PPP2R3A: variants seen among roughly 807,000 people sequenced by gnomAD.
PPP2R3A encodes the protein protein phosphatase 2 regulatory subunit B''alpha, also known as serine/threonine-protein phosphatase 2A regulatory subunit B'' subunit alpha.
A neutral mutation model predicts 106.9 loss-of-function variants in PPP2R3A; 80 were observed. That is an observed-to-expected ratio of 0.75 (90% CI 0.62 to 0.90). The LOEUF is 0.90. Among genes scored for constraint, PPP2R3A ranks in the 40% least tolerant of loss-of-function variants. The probability of loss-of-function intolerance (pLI) is 0.00; values close to 1 mark genes in which losing one functional copy is unlikely to be tolerated. For synonymous variants in PPP2R3A, 483 were observed against 468.3 expected, an observed-to-expected ratio of 1.03 and a Z score of -0.41; for missense variants, 1,386 against 1,350.4, an observed-to-expected ratio of 1.03 and a Z score of -0.41.
chr3:136,062,717 C>CA (rs34662666), intron 5 of PPP2R3A, among the ~76,000 whole-genome samples: 347 of 114,446 alleles, frequency 3.0e-3, no homozygotes, highest in East Asian at 0.017. Context: ...GACTCCATCT[C>CA]AAAAAAAAAA....
intron 13 of PPP2R3A, among the ~76,000 whole-genome samples, chr3:136,138,443 G>A (rs1938709234): frequency 6.6e-6 from 1 of 152,140 alleles, no homozygotes; most frequent in Non-Finnish European, 1.5e-5. Flanking sequence ...AAACTGAAGT[G>A]AAATCTACTT....
intron 5 of PPP2R3A, among the ~76,000 whole-genome samples, chr3:136,063,913 C>T (rs1365997948): frequency 2.7e-5 from 4 of 150,192 alleles, no homozygotes; most frequent in African/African-American, 1.0e-4. Context: ...CATCCCATTA[C>T]TGGGTATATA....
At chr3:136,029,486 A>G (rs1189698751) in intron 3 of PPP2R3A, among the ~76,000 whole-genome samples, 2 of 152,158 alleles carry the variant, frequency 1.3e-5, no homozygotes, top group Admixed American at 6.5e-5. Flanking sequence ...ACAGTGCTCA[A>G]GGGAGGTGTC....
At chr3:136,083,453 G>A (rs769306510) in intron 8 of PPP2R3A, among the ~76,000 whole-genome samples, 5 of 152,052 alleles carry the variant, frequency 3.3e-5, no homozygotes, top group South Asian at 2.1e-4. Flanking sequence ...TTTGCCTTCC[G>A]CCATGATTGT....
At position 136,003,000 on chromosome 3, in the gene PPP2R3A, C is replaced by A; in HGVS notation, c.1502C>A (p.Thr501Lys). The A allele has an allele frequency of 6.2e-7, 1 of 1,613,660 alleles. No homozygotes were observed. The change falls in exon 2 of 14, where the codon ACA becomes AAA. Residue 501 changes from threonine (T) to lysine (K), a missense_variant. Coordinates refer to ENST00000264977, the MANE Select transcript of PPP2R3A (RefSeq NM_002718.5). ...KFEEGDQRDF[T>K]NSSSQEEIDK... ...GAAGAGGGAGACCAGAGAGATTTTACAAATTCCAGTAGCCAGGAAGAGATA... is the reference window on the plus strand; with the variant it reads ...GAAGAGGGAGACCAGAGAGATTTTAAAAATTCCAGTAGCCAGGAAGAGATA...
chr3:136,132,529 A>G (rs1938465788), intron 13 of PPP2R3A, among the ~76,000 whole-genome samples: 1 of 152,054 alleles, frequency 6.6e-6, no homozygotes, highest in African/African-American at 2.4e-5. Context: ...ATTCACAGTC[A>G]TATCAAAAAG....
Position 136,003,133 on chromosome 3 carries a change from G to C in PPP2R3A, c.1635G>C (p.Gln545His). ...CTAATTTTTTAAATAGTCACAGTCA[G>C]TTGACCGGTCAGACCCTTGTAGATC... ...KNSNFLNSHS[Q>H]LTGQTLVDLE... The change falls in exon 2 of 14, where the codon CAG (glutamine) becomes CAC (histidine). Residue 545 changes from glutamine (Q) to histidine (H), a missense_variant. Gln to His is a conservative substitution (Grantham distance 24, BLOSUM62 0). Coordinates refer to ENST00000264977, the MANE Select transcript of PPP2R3A (RefSeq NM_002718.5). The C allele has an allele frequency of 1.2e-6, 2 of 1,613,278 alleles. No homozygotes were observed. The highest frequency in any genetic ancestry group is 1.7e-6 in the Non-Finnish European group (2 of 1,179,760).
intron 3 of PPP2R3A, among the ~76,000 whole-genome samples, chr3:136,030,776 ATATATGTATGTATGTATGTATG>A (rs1333682169): frequency 2.4e-5 from 3 of 124,454 alleles, no homozygotes; most frequent in South Asian, 2.4e-4. Context: ...ATATATATAT[ATATATGTATGTATGTATGTATG>A]TATGTATGTA....
At chr3:136,137,698 C>T (rs1938683210) in intron 13 of PPP2R3A, among the ~76,000 whole-genome samples, 2 of 151,880 alleles carry the variant, frequency 1.3e-5, no homozygotes, top group African/African-American at 4.8e-5. Context: ...CCTGCAAGCA[C>T]ACCCGGCTAA....
At chr3:136,074,835 C>G (rs114352779) in intron 6 of PPP2R3A, among the ~76,000 whole-genome samples, 4,436 of 152,240 alleles carry the variant, frequency 0.029, 100 homozygotes, top group Non-Finnish European at 0.042. Context: ...ACCAACTCTT[C>G]CCCCTTGAAA....
intron 9 of PPP2R3A, among the ~76,000 whole-genome samples, 194 bp downstream of exon 9, chr3:136,088,125 G>A (rs928004385): frequency 6.6e-6 from 1 of 152,068 alleles, no homozygotes; most frequent in Non-Finnish European, 1.5e-5. Flanking sequence ...GATTCAGGGG[G>A]TACACGTGCA....
At chr3:136,052,026 G>A (rs1935703024) in intron 5 of PPP2R3A, among the ~76,000 whole-genome samples, 1 of 152,116 alleles carries the variant, frequency 6.6e-6, no homozygotes, top group African/African-American at 2.4e-5. Flanking sequence ...TGAGAATGAA[G>A]ATTCTTAATA....
At chr3:136,048,470 A>G (rs1284960001) in intron 4 of PPP2R3A, among the ~76,000 whole-genome samples, 4 of 152,170 alleles carry the variant, frequency 2.6e-5, no homozygotes, top group African/African-American at 9.7e-5. Context: ...CAGGAGATCA[A>G]GAACATCCTG....
chr3:136,030,387 C>A (rs535951761), intron 3 of PPP2R3A, among the ~76,000 whole-genome samples: 1 of 151,970 alleles, frequency 6.6e-6, no homozygotes, highest in East Asian at 1.9e-4. Context: ...TTCCAGTTAG[C>A]TAATTCTCTT....
At chr3:135,986,018 CAG>C (rs1559852334) in intron 1 of PPP2R3A, among the ~76,000 whole-genome samples, 2 of 151,962 alleles carry the variant, frequency 1.3e-5, no homozygotes, top group African/African-American at 4.8e-5. Context: ...GGAGAGCACA[CAG>C]GGAGAATGAT....
intron 3 of PPP2R3A, among the ~76,000 whole-genome samples, chr3:136,032,530 AT>A (rs745329334): frequency 0.066 from 9,498 of 143,876 alleles, 325 homozygotes; most frequent in Non-Finnish European, 0.079. Flanking sequence ...TTATTTATTT[AT>A]TTTTTTTTTT....
intron 2 of PPP2R3A, among the ~76,000 whole-genome samples, chr3:136,020,452 G>C (rs1298295397): frequency 6.6e-6 from 1 of 152,044 alleles, no homozygotes; most frequent in Admixed American, 6.6e-5. Context: ...TCTTTAGAGA[G>C]AGAACATAGT....
At position 135,977,688 on chromosome 3, in the gene PPP2R3A, C is replaced by CTTTT. The variant is rs66592538; in HGVS notation, c.-441+11864_-441+11867dup. Among the ~76,000 whole-genome samples, 172 of 61,130 alleles carry CTTTT rather than the reference C, an allele frequency of 2.8e-3. 21 individuals are homozygous for CTTTT. The highest frequency in any genetic ancestry group is 9.6e-3 in the African/African-American group (137 of 14,302). 40.1% of individuals were successfully genotyped at this position (61,130 alleles called of 152,430 possible). On this transcript the variant is annotated intron_variant, in intron 1 of 13. Coordinates refer to ENST00000264977, the MANE Select transcript of PPP2R3A (RefSeq NM_002718.5). ...AAGTTGCATTCATCTGATCAGCATT[C>CTTTT]TTTTTTTTTTTTTTTTTTTTTTTTT... is the stretch of plus-strand genomic sequence containing the variant.
At position 136,027,098 on chromosome 3, in the gene PPP2R3A, G is replaced by C; in HGVS notation, c.2262G>C (p.Lys754Asn). The C allele has an allele frequency of 6.2e-7, 1 of 1,610,242 alleles. No individual in the cohort carries two copies. Among genetic ancestry groups the C allele is most frequent in the Non-Finnish European group, 8.5e-7 (1 of 1,178,030 alleles). Reference protein sequence around the residue: ...ADIYEMGKIAKVCGCPLYWKA... With the variant: ...ADIYEMGKIANVCGCPLYWKA... ...TTTATGAAATGGGGAAAATTGCAAA[G>C]GTAATGTAACTACTAAATGATTTAC... The change falls in exon 3 of 14, where the codon AAG becomes AAC. Residue 754 changes from lysine to asparagine, a missense_variant and splice_region_variant. Coordinates refer to ENST00000264977, the MANE Select transcript of PPP2R3A (RefSeq NM_002718.5).
Sources: allele counts gnomAD v4.1 joint callset (sites outside exome capture counted in the v4.1 genomes callset), GRCh38; gene constraint gnomAD v4.1.1; transcripts MANE v1.5; gene names NCBI Gene and HGNC (gene_info 2026-07-23, HGNC 2026-07-21).